Variants in UBE2L3 observed in about 807,000 individuals in gnomAD.
UBE2L3 encodes ubiquitin-conjugating enzyme E2 L3.
UBE2L3 carries 1 observed loss-of-function variant against 17.8 expected under a neutral mutation model. That is an observed-to-expected ratio of 0.06 (90% CI 0.02 to 0.27). UBE2L3 has a LOEUF of 0.27. UBE2L3 is among the 10% of genes least tolerant of loss of function. The pLI, the probability that UBE2L3 is intolerant of heterozygous loss-of-function variation, is 1.00. For synonymous variants in UBE2L3, 44 were observed against 68.5 expected, an observed-to-expected ratio of 0.64 and a Z score of 1.76; for missense variants, 40 against 192.6, an observed-to-expected ratio of 0.21 and a Z score of 4.69.
At chr22:21,594,758 G>T (rs139033931) in intron 2 of UBE2L3, among the ~76,000 whole-genome samples, 1 of 152,176 alleles carries the variant, frequency 6.6e-6, no homozygotes, top group Admixed American at 6.6e-5. Context: ...GGAGGGGTTG[G>T]CCTGTGAGTG....
chr22:21,567,669 C>T (rs1926700574), upstream of UBE2L3: 4 of 1,550,590 alleles, frequency 2.6e-6, no homozygotes, highest in South Asian at 4.8e-5. Context: ...CCCTCCCCCG[C>T]TCCAGGAAGT....
chr22:21,568,984 T>C (rs1926804588), intron 1 of UBE2L3, among the ~76,000 whole-genome samples: 1 of 152,196 alleles, frequency 6.6e-6, no homozygotes, highest in Non-Finnish European at 1.5e-5. Flanking sequence ...TCTCCTCATC[T>C]CTTAAGCTAG....
chr22:21,594,215 T>A (rs1032455086), intron 2 of UBE2L3, among the ~76,000 whole-genome samples: 3 of 152,264 alleles, frequency 2.0e-5, no homozygotes, highest in African/African-American at 4.8e-5. Flanking sequence ...TAATTTGTTC[T>A]CATGGATGGA....
In UBE2L3 at chr22:21,607,514, TAAAAAAAAAAAAA is replaced by T. The variant is rs758366095; in HGVS notation, c.124-3332_124-3320del. 2.8e-5 allele frequency among the ~76,000 whole-genome samples: 3 copies of T among 108,980 alleles called. No homozygotes were observed. The Admixed American group carries it at 2.9e-4, about 11-fold the overall frequency. 71.5% of individuals were successfully genotyped at this position (108,980 alleles called of 152,430 possible). A position where few individuals can be genotyped will look rare whatever the true frequency, so the allele number is the denominator to read the frequency against. On this transcript the variant is annotated intron_variant, in intron 2 of 3. Coordinates refer to ENST00000342192, the MANE Select transcript of UBE2L3 (RefSeq NM_003347.4). ...TGGGCGACAGAGCGAGACTCCGTCT[TAAAAAAAAAAAAA>T]AAAAAAAAAAGATTGTTCTTGGGCT...
intron 1 of UBE2L3, among the ~76,000 whole-genome samples, chr22:21,572,651 T>G (rs1927044456): frequency 6.6e-6 from 1 of 152,088 alleles, no homozygotes; most frequent in Non-Finnish European, 1.5e-5. Flanking sequence ...TCTTTGCAGC[T>G]TCACACTGCA....
At chr22:21,599,959 C>T (rs760612807) in intron 2 of UBE2L3, among the ~76,000 whole-genome samples, 7 of 152,166 alleles carry the variant, frequency 4.6e-5, no homozygotes, top group Non-Finnish European at 8.8e-5. Context: ...ATTGTAGATA[C>T]AATTCAGAAG....
Position 21,622,434 on chromosome 22 carries a change from G to C in UBE2L3, c.*765G>C, listed in dbSNP as rs1930079014. ...CCGAAATGGGGGGCCTGCTAGTCAG[G>C]AGGATGCTGTGCACACTGTGTGTGA... On this transcript the variant is annotated 3_prime_UTR_variant, in exon 4 of 4. Transcript: ENST00000342192. 1 of 153,002 alleles carries C rather than the reference G, an allele frequency of 6.5e-6. No homozygotes were observed. The highest frequency in any genetic ancestry group is 1.5e-5 in the Non-Finnish European group (1 of 68,124). The allele number at this position is 153,002 out of a possible 1,614,324, so 9.5% of individuals were successfully genotyped here.
Position 21,592,909 on chromosome 22 carries a change from C to G in UBE2L3, c.76C>G (p.Gln26Glu). The G allele has an allele frequency of 1.2e-6, 2 of 1,613,996 alleles. No individual in the cohort carries two copies. The highest frequency in any genetic ancestry group is 1.7e-6 in the Non-Finnish European group (2 of 1,180,018). Residue 26 changes from glutamine to glutamate, a missense_variant, in exon 2 of 4, where the codon CAG becomes GAG. Coordinates refer to ENST00000342192, the MANE Select transcript of UBE2L3 (RefSeq NM_003347.4). The stretch of plus-strand genomic sequence containing the variant: ...TGGGATGAAAAACTTCCGTAACATC[C>G]AGGTTGATGAAGCTAATTTATTGAC... ...KCGMKNFRNI[Q>E]VDEANLLTWQ... is the part of the protein sequence containing the mutation.
At position 21,567,726 on chromosome 22, in the gene UBE2L3, GA is replaced by G; in HGVS notation, c.-18del. 3 of 1,578,984 alleles carry G rather than the reference GA, an allele frequency of 1.9e-6. No individual in the cohort carries two copies. Among genetic ancestry groups the G allele is most frequent in the Non-Finnish European group, 2.6e-6 (3 of 1,163,886 alleles). ...CCGGCCGCGATGCATTCTGGGGAAG[GA>G]GCAGCACCAAATCCAAGATGGCGGC... On this transcript the variant is annotated 5_prime_UTR_variant, in exon 1 of 4. Transcript: ENST00000342192.
chr22:21,557,816 C>T lies in UBE2L3; in HGVS notation c.201+8166C>T, dbSNP rs572830162. On this transcript the variant is annotated intron_variant, in intron 1 of 3. Transcript: ENST00000458578. Reference sequence around the variant, plus strand: ...GATTACAGGTGTGAGCCATAGCACCCGGCCGGCAGATCTACTCTTAAGTGT... The same window carrying T: ...GATTACAGGTGTGAGCCATAGCACCTGGCCGGCAGATCTACTCTTAAGTGT... Among the ~76,000 whole-genome samples, 166 of 152,322 alleles carry T rather than the reference C, an allele frequency of 1.1e-3. 2 individuals are homozygous for T. The highest frequency in any genetic ancestry group is 3.9e-3 in the African/African-American group (160 of 41,536).
Position 21,622,393 on chromosome 22 carries a change from C to T in UBE2L3, c.*724C>T, listed in dbSNP as rs1395509619. ...CCTGCACAGAGAAGCCCTATAATCA[C>T]AGGTCTGTGGTGGCCCCGAAATGGG... On this transcript the variant is annotated 3_prime_UTR_variant, in exon 4 of 4. Transcript: ENST00000342192. The T allele has an allele frequency of 6.5e-6, 1 of 152,854 alleles. No homozygotes were observed. The highest frequency in any genetic ancestry group is 1.5e-5 in the Non-Finnish European group (1 of 68,128). The allele number at this position is 152,854 out of a possible 1,614,324, so 9.5% of individuals were successfully genotyped here.
intron 1 of UBE2L3, among the ~76,000 whole-genome samples, chr22:21,591,676 T>TG (rs1358712082): frequency 6.6e-6 from 1 of 152,048 alleles, no homozygotes; most frequent in African/African-American, 2.4e-5. Context: ...GGGCTTGATG[T>TG]GGGGGCTGAT....
chr22:21,616,558 A>G (rs976919203), intron 3 of UBE2L3, among the ~76,000 whole-genome samples: 2 of 151,794 alleles, frequency 1.3e-5, no homozygotes, highest in South Asian at 2.1e-4. Flanking sequence ...AAGCTGAGGC[A>G]GGAGAATCAC....
chr22:21,609,630 C>T (rs1402999511), intron 2 of UBE2L3, among the ~76,000 whole-genome samples: 1 of 152,008 alleles, frequency 6.6e-6, no homozygotes, highest in African/African-American at 2.4e-5. Flanking sequence ...ATTGCTTGAG[C>T]CTGTGAAGTC....
intron 1 of UBE2L3, among the ~76,000 whole-genome samples, chr22:21,558,075 T>C (rs1926301547): frequency 6.6e-6 from 1 of 150,798 alleles, no homozygotes; most frequent in African/African-American, 2.5e-5. Context: ...ACTTTCCCTC[T>C]CTCTACAACC....
At chr22:21,563,484 C>T (rs1601386196), upstream of UBE2L3, among the ~76,000 whole-genome samples, 5 of 148,476 alleles carry the variant, frequency 3.4e-5, no homozygotes, top group Admixed American at 2.0e-4. Context: ...ATGGCGTGAA[C>T]CCGGGAGGCG....
At chr22:21,577,293 C>G (rs950978898) in intron 1 of UBE2L3, among the ~76,000 whole-genome samples, 2 of 151,978 alleles carry the variant, frequency 1.3e-5, no homozygotes, top group South Asian at 4.2e-4. Context: ...TTAGTAGAGA[C>G]GGGGTTTCAT....
At chr22:21,558,767 G>A (rs1453190874) in intron 1 of UBE2L3, among the ~76,000 whole-genome samples, 3 of 152,112 alleles carry the variant, frequency 2.0e-5, no homozygotes, top group Non-Finnish European at 2.9e-5. Context: ...TGGGATTACA[G>A]GCATGAGCCA....
chr22:21,565,198 T>C (rs1926584546), upstream of UBE2L3, among the ~76,000 whole-genome samples: 1 of 151,994 alleles, frequency 6.6e-6, no homozygotes, highest in Non-Finnish European at 1.5e-5. Context: ...GTTCACGCCA[T>C]TCTCCTGCCT....
Sources: allele counts gnomAD v4.1 joint callset (sites outside exome capture counted in the v4.1 genomes callset), GRCh38; gene constraint gnomAD v4.1.1; transcripts MANE v1.5; gene names NCBI Gene and HGNC (gene_info 2026-07-23, HGNC 2026-07-21).